NGEF: variants seen among roughly 807,000 people sequenced by gnomAD.
The protein encoded by NGEF is ephexin-1.
A neutral mutation model predicts 80.9 loss-of-function variants in NGEF; 31 were observed. The ratio of observed to expected loss-of-function variants is 0.38; its 90% CI spans 0.29 to 0.52. The LOEUF (loss-of-function observed/expected upper bound fraction) is 0.52. Ranked by LOEUF, NGEF falls within the 20% of genes least tolerant of loss-of-function variation. The pLI, the probability that NGEF is intolerant of heterozygous loss-of-function variation, is 0.84. For missense variants in NGEF, 709 were observed against 926.2 expected (o/e 0.77, Z 3.04); for synonymous variants, 371 against 370.2 (o/e 1.00, Z -0.03).
chr2:232,948,985 T>A (rs1693620047), intron 3 of NGEF, among the ~76,000 whole-genome samples: 1 of 151,806 alleles, frequency 6.6e-6, no homozygotes, highest in Admixed American at 6.6e-5. Context: ...GCCATTGCAC[T>A]CCAGCCTGGG....
At position 232,883,381 on chromosome 2, in the gene NGEF, C is replaced by T. The variant is rs762099439; in HGVS notation, c.1687G>A (p.Val563Met). 5 of 1,612,760 alleles carry T rather than the reference C, an allele frequency of 3.1e-6. No individual in the cohort carries two copies. The highest frequency in any genetic ancestry group is 3.4e-6 in the Non-Finnish European group (4 of 1,179,540). The change falls in exon 12 of 15, where the codon GTG (valine) becomes ATG (methionine). Residue 563 changes from valine (V) to methionine (M), a missense_variant. This residue lies in a region of NGEF where 426 missense variants were observed against 622.9 expected (regional missense o/e 0.68). Coordinates refer to ENST00000264051, the MANE Select transcript of NGEF (RefSeq NM_019850.3). ...LEDQGQTLAN[V>M]FILRLLENAD... ...TTCTCCAGCAGCCGCAGGATGAACA[C>T]GTTGGCCAGCGTCTGGCCCTGGTCC... is the stretch of plus-strand genomic sequence containing the variant.
chr2:232,944,943 G>C (rs781442758), intron 3 of NGEF, among the ~76,000 whole-genome samples: 1 of 151,624 alleles, frequency 6.6e-6, no homozygotes, highest in Non-Finnish European at 1.5e-5. Context: ...GTAGGGACAG[G>C]GTTTCACCAT....
At chr2:232,939,573 T>C (rs1312918424) in intron 3 of NGEF, among the ~76,000 whole-genome samples, 1 of 152,236 alleles carries the variant, frequency 6.6e-6, no homozygotes, top group African/African-American at 2.4e-5. Flanking sequence ...TTTAGAAAAG[T>C]ATCTTCCATA....
intron 3 of NGEF, among the ~76,000 whole-genome samples, chr2:232,938,413 G>A (rs917939311): frequency 1.3e-5 from 2 of 152,174 alleles, no homozygotes; most frequent in African/African-American, 2.4e-5. Context: ...AAGATGCTGC[G>A]ATGCTTGTGT....
chr2:232,881,289 A>G, intron 13 of NGEF, 39 bp from the exon 14 acceptor site: 1 of 1,513,722 alleles, frequency 6.6e-7, no homozygotes, highest in Non-Finnish European at 9.1e-7. Context: ...CCACCACCGC[A>G]CTACCCACCT....
At chr2:232,936,055 A>G (rs1693318005) in intron 3 of NGEF, among the ~76,000 whole-genome samples, 1 of 152,202 alleles carries the variant, frequency 6.6e-6, no homozygotes, top group Non-Finnish European at 1.5e-5. Flanking sequence ...ATGGACCTCC[A>G]AATCTAGGGG....
chr2:233,005,096 G>A (rs1434519313), intron 1 of NGEF, among the ~76,000 whole-genome samples: 1 of 152,188 alleles, frequency 6.6e-6, no homozygotes, highest in Admixed American at 6.5e-5. Flanking sequence ...AACCTAGATT[G>A]GGTCTCGTTG....
At chr2:232,906,257 G>A (rs1414036278) in intron 5 of NGEF, among the ~76,000 whole-genome samples, 32 of 121,604 alleles carry the variant, frequency 2.6e-4, no homozygotes, top group African/African-American at 9.5e-4. Flanking sequence ...CGCCCCATCC[G>A]GGAGGTGAGG....
chr2:233,009,515 G>T (rs1270315657), intron 1 of NGEF, among the ~76,000 whole-genome samples: 1 of 152,044 alleles, frequency 6.6e-6, no homozygotes, highest in Non-Finnish European at 1.5e-5. Flanking sequence ...TCAGCAACTT[G>T]GGGCCAGGTG....
At chr2:232,972,838 C>A (rs1219112489) in intron 2 of NGEF, among the ~76,000 whole-genome samples, 1 of 143,810 alleles carries the variant, frequency 7.0e-6, no homozygotes, top group Non-Finnish European at 1.5e-5. Flanking sequence ...TTCACTGCAA[C>A]CTCTGCCTCC....
intron 1 of NGEF, among the ~76,000 whole-genome samples, chr2:232,993,447 G>A (rs1008776126): frequency 4.0e-5 from 6 of 151,892 alleles, no homozygotes; most frequent in Non-Finnish European, 7.4e-5. Context: ...TGGGGAAATT[G>A]GAATCCTCAT....
intron 3 of NGEF, among the ~76,000 whole-genome samples, chr2:232,930,544 A>G (rs535587899): frequency 1.4e-4 from 6 of 41,736 alleles, no homozygotes; most frequent in African/African-American, 9.2e-4. Context: ...GGGTTTCACC[A>G]TTTCGCCAGG....
intron 3 of NGEF, among the ~76,000 whole-genome samples, chr2:232,937,888 T>C (rs1191844798): frequency 1.3e-5 from 2 of 152,204 alleles, no homozygotes; most frequent in Non-Finnish European, 2.9e-5. Flanking sequence ...AGTTATGATC[T>C]GTCTGTGTGA....
chr2:232,880,562 T>C (rs73999704), intron 14 of NGEF, among the ~76,000 whole-genome samples: 14,280 of 152,224 alleles, frequency 0.094, 920 homozygotes, highest in East Asian at 0.18. Flanking sequence ...TTGTATACTT[T>C]GGGGATTTGG....
chr2:232,930,427 C>A (rs1693194952), intron 3 of NGEF, among the ~76,000 whole-genome samples: 1 of 151,956 alleles, frequency 6.6e-6, no homozygotes, highest in Admixed American at 6.6e-5. Context: ...TCAAGCGATT[C>A]TCCTGCCTCA....
intron 9 of NGEF, among the ~76,000 whole-genome samples, chr2:232,886,622 TAA>T (rs11363151): frequency 6.6e-6 from 1 of 151,486 alleles, no homozygotes; most frequent in Admixed American, 6.6e-5. Flanking sequence ...CCTTCATTTT[TAA>T]AAAAAAAAGC....
chr2:232,886,704 A>G (rs1343833064), intron 9 of NGEF, among the ~76,000 whole-genome samples: 3 of 152,278 alleles, frequency 2.0e-5, no homozygotes, highest in African/African-American at 7.2e-5. Context: ...CTTTAAAAAC[A>G]GAAAACATAC....
intron 5 of NGEF, among the ~76,000 whole-genome samples, chr2:232,919,975 T>C (rs1692901279): frequency 6.6e-6 from 1 of 152,204 alleles, no homozygotes; most frequent in Non-Finnish European, 1.5e-5. Flanking sequence ...TGCCGTGGCA[T>C]TCACGCGTGA....
Position 232,987,221 on chromosome 2 carries a change from T to C in NGEF, c.-74-12257A>G, listed in dbSNP as rs1016514104. ...TTGGTAGAGATGAGGTTTCACCATG[T>C]TGTCCAGGTTGGTCTTGAACTCCTG... On this transcript the variant is annotated intron_variant, in intron 1 of 14. Transcript: ENST00000264051. Among the ~76,000 whole-genome samples, 36 of 152,228 alleles carry C rather than the reference T, an allele frequency of 2.4e-4. 1 individual carries two copies. Among genetic ancestry groups the C allele is most frequent in the Admixed American group, 2.2e-3 (34 of 15,294 alleles).
Sources: gnomAD v4.1 joint callset for allele counts (sites outside exome capture counted in the v4.1 genomes callset) on GRCh38, gnomAD v4.1.1 for gene constraint, gnomAD v4.1.1 regional missense constraint, MANE v1.5 for transcripts, NCBI Gene and HGNC (gene_info 2026-07-23, HGNC 2026-07-21) for gene names.